IMMP2L: variants seen among roughly 807,000 people sequenced by gnomAD.
The protein encoded by IMMP2L is inner mitochondrial membrane peptidase subunit 2, also known as mitochondrial inner membrane protease subunit 2.
Under a neutral mutation model 19.3 loss-of-function variants are expected in IMMP2L, and 18 were observed. The ratio of observed to expected loss-of-function variants is 0.93; its 90% CI spans 0.64 to 1.38. The LOEUF is 1.38. IMMP2L is among the 40% of genes most tolerant of loss of function. The pLI is 0.00. For synonymous variants in IMMP2L, 76 were observed against 73.0 expected, an observed-to-expected ratio of 1.04 and a Z score of -0.21; for missense variants, 233 against 218.2, an observed-to-expected ratio of 1.07 and a Z score of -0.43.
Position 110,691,684 on chromosome 7 carries a change from C to T in IMMP2L, c.409-27963G>A, listed in dbSNP as rs550794222. On this transcript the variant is annotated intron_variant, in intron 5 of 5. Transcript: ENST00000405709. ...TAGACATATCTCAAAAAAAGATAAA[C>T]AAATGGCTGACAAACATGAAAAAAT... 2.0e-5 allele frequency among the ~76,000 whole-genome samples: 3 copies of T among 152,044 alleles called. 1 individual carries two copies. The South Asian group carries it at 6.2e-4, about 32-fold the overall frequency.
At chr7:111,351,345 C>T (rs1374646645) in intron 3 of IMMP2L, among the ~76,000 whole-genome samples, 3 of 152,104 alleles carry the variant, frequency 2.0e-5, no homozygotes, top group African/African-American at 7.2e-5. Context: ...CGCGTGCCAC[C>T]ACGCCCAGCT....
chr7:111,238,265 G>A (rs1250852784), intron 3 of IMMP2L, among the ~76,000 whole-genome samples: 2 of 152,010 alleles, frequency 1.3e-5, no homozygotes, highest in East Asian at 3.9e-4. Flanking sequence ...GTATTACAGG[G>A]TAGAGAAGGT....
At chr7:110,817,433 C>A (rs1446543228) in intron 5 of IMMP2L, among the ~76,000 whole-genome samples, 2 of 151,990 alleles carry the variant, frequency 1.3e-5, no homozygotes, top group African/African-American at 4.8e-5. Flanking sequence ...TCAAGGAGAA[C>A]TACAAACCAC....
At chr7:111,217,322 G>A (rs1746707878) in intron 3 of IMMP2L, among the ~76,000 whole-genome samples, 2 of 152,052 alleles carry the variant, frequency 1.3e-5, no homozygotes, top group African/African-American at 2.4e-5. Flanking sequence ...CTCTCCCAGT[G>A]AGAATAAAGG....
chr7:110,950,858 A>ATG (rs1554470739), intron 4 of IMMP2L, among the ~76,000 whole-genome samples: 8,427 of 136,240 alleles, frequency 0.062, 1,030 homozygotes, highest in African/African-American at 0.23. Context: ...ATATATATAT[A>ATG]TATATATATA....
chr7:111,152,738 G>A (rs376038021), intron 3 of IMMP2L, among the ~76,000 whole-genome samples: 19 of 152,086 alleles, frequency 1.2e-4, no homozygotes, highest in African/African-American at 3.6e-4. Flanking sequence ...CATCTTCTCC[G>A]AAGTTTTACT....
intron 3 of IMMP2L, among the ~76,000 whole-genome samples, chr7:111,100,940 C>G (rs1385922818): frequency 6.6e-6 from 1 of 151,458 alleles, no homozygotes; most frequent in Non-Finnish European, 1.5e-5. Context: ...TATTTGAAAA[C>G]TTTTAAATAT....
intron 3 of IMMP2L, among the ~76,000 whole-genome samples, chr7:111,167,826 G>C (rs1586661130): frequency 6.6e-6 from 1 of 151,968 alleles, no homozygotes; most frequent in African/African-American, 2.4e-5. Context: ...AGTGATTTAA[G>C]TTAACATCTA....
intron 5 of IMMP2L, among the ~76,000 whole-genome samples, chr7:110,771,551 T>G (rs1313319517): frequency 6.6e-6 from 1 of 152,048 alleles, no homozygotes; most frequent in East Asian, 1.9e-4. Flanking sequence ...AAGTTCCTTA[T>G]CGGAAAACAA....
At chr7:110,806,377 G>T (rs1430202212) in intron 5 of IMMP2L, among the ~76,000 whole-genome samples, 1 of 152,006 alleles carries the variant, frequency 6.6e-6, no homozygotes, top group East Asian at 1.9e-4. Flanking sequence ...AGATTAACAT[G>T]ATAAAATGTC....
At chr7:111,276,307 T>C (rs977883009) in intron 3 of IMMP2L, among the ~76,000 whole-genome samples, 3 of 152,198 alleles carry the variant, frequency 2.0e-5, no homozygotes, top group African/African-American at 7.2e-5. Context: ...CACATGATCA[T>C]GGTATATTAA....
chr7:111,355,606 A>C (rs1393023428), intron 3 of IMMP2L, among the ~76,000 whole-genome samples: 1 of 151,934 alleles, frequency 6.6e-6, no homozygotes, highest in African/African-American at 2.4e-5. Flanking sequence ...ACAATAAAAA[A>C]ACAGGGAAAA....
intron 5 of IMMP2L, among the ~76,000 whole-genome samples, chr7:110,800,833 G>A (rs200688724): frequency 6.6e-6 from 1 of 151,976 alleles, no homozygotes; most frequent in East Asian, 1.9e-4. Flanking sequence ...TCTTTACAGG[G>A]TACATTTGGT....
chr7:111,031,407 T>TGTGTGTGTGTGTGTGAGA (rs147571783), intron 3 of IMMP2L, among the ~76,000 whole-genome samples: 2 of 147,102 alleles, frequency 1.4e-5, no homozygotes, highest in Non-Finnish European at 3.0e-5. Flanking sequence ...TGTGTGTGTG[T>TGTGTGTGTGTGTGTGAGA]GAGAGAAAGA....
At chr7:110,860,499 A>G (rs1440298600) in intron 5 of IMMP2L, among the ~76,000 whole-genome samples, 1 of 152,084 alleles carries the variant, frequency 6.6e-6, no homozygotes, top group Non-Finnish European at 1.5e-5. Flanking sequence ...ACTTTCAGGA[A>G]GCTGAAGAAA....
rs1792190722 is a variant in IMMP2L at position 111,562,382 on chromosome 7, T to C, written c.-534A>G. Reference sequence around the variant, plus strand: ...CCCCAGCCCAAGAGACCACCAAGGGTCGGCGGCTACGCGCCCGCCGACCCC... The same window carrying C: ...CCCCAGCCCAAGAGACCACCAAGGGCCGGCGGCTACGCGCCCGCCGACCCC... On this transcript the variant is annotated 5_prime_UTR_variant, in exon 1 of 6. Transcript: ENST00000405709. The C allele has an allele frequency of 6.7e-6, 1 of 149,082 alleles. No homozygotes were observed. The highest frequency in any genetic ancestry group is 6.6e-5 in the Admixed American group (1 of 15,102). 9.2% of individuals were successfully genotyped at this position (149,082 alleles called of 1,614,324 possible). A position where few individuals can be genotyped will look rare whatever the true frequency, so the allele number is the denominator to read the frequency against.
intron 2 of IMMP2L, among the ~76,000 whole-genome samples, chr7:111,514,223 G>T (rs1268697204): frequency 6.6e-6 from 1 of 152,056 alleles, no homozygotes; most frequent in Non-Finnish European, 1.5e-5. Context: ...ATGAAGTAAA[G>T]GGTATGTTAA....
chr7:111,208,977 C>T lies in IMMP2L; in HGVS notation c.240-245412G>A, dbSNP rs113032673. ...TGCTGTAAACGTTCAATATCTTACT[C>T]CCATGGGTGCTGCCTCCATGTTTAT... On this transcript the variant is annotated intron_variant, in intron 3 of 5. Transcript: ENST00000405709. Among the ~76,000 whole-genome samples the T allele has an allele frequency of 3.5e-3, 531 of 152,234 alleles. 2 individuals carry two copies. The highest frequency in any genetic ancestry group is 0.012 in the African/African-American group (501 of 41,532).
intron 5 of IMMP2L, chr7:110,724,436 A>G (rs572408378): frequency 6.6e-6 from 1 of 152,282 alleles, no homozygotes; most frequent in African/African-American, 2.4e-5. Context: ...ACTCCTATCA[A>G]GAAATTTTAC....
Sources: allele counts gnomAD v4.1 joint callset (sites outside exome capture counted in the v4.1 genomes callset), GRCh38; gene constraint gnomAD v4.1.1; transcripts MANE v1.5; gene names NCBI Gene and HGNC (gene_info 2026-07-23, HGNC 2026-07-21).